The following CPQ variants were observed in gnomAD, a reference collection of about 807,000 sequenced individuals.
CPQ encodes the protein carboxypeptidase Q, also known as Ser-Met dipeptidase.
In CPQ, 37 loss-of-function variants were observed where a neutral mutation model predicts 45.7. That is an observed-to-expected ratio of 0.81 (90% CI 0.62 to 1.07). The LOEUF (loss-of-function observed/expected upper bound fraction) is 1.07. Among genes scored for constraint, CPQ ranks in the 50% least tolerant of loss-of-function variants. The pLI is 0.00. For missense variants in CPQ, 537 were observed against 572.9 expected, an observed-to-expected ratio of 0.94 and a Z score of 0.64; for synonymous variants, 186 against 205.8, an observed-to-expected ratio of 0.90 and a Z score of 0.82.
intron 4 of CPQ, among the ~76,000 whole-genome samples, chr8:96,944,730 A>G (rs1018387090): frequency 6.6e-5 from 10 of 152,190 alleles, no homozygotes; most frequent in Admixed American, 6.5e-4. Context: ...AAAAATGTCA[A>G]GCTGCTCATT....
At chr8:96,717,688 C>T (rs1431560644) in intron 1 of CPQ, among the ~76,000 whole-genome samples, 2 of 152,070 alleles carry the variant, frequency 1.3e-5, no homozygotes, top group South Asian at 2.1e-4. Flanking sequence ...CCCAAAAGTT[C>T]CATCATTTGT....
chr8:96,734,025 T>C (rs1246631252), intron 1 of CPQ, among the ~76,000 whole-genome samples: 1 of 152,238 alleles, frequency 6.6e-6, no homozygotes, highest in Admixed American at 6.5e-5. Flanking sequence ...GCCTGTCATA[T>C]GTGGTTTTAA....
chr8:96,730,059 G>T (rs1809890654), intron 1 of CPQ, among the ~76,000 whole-genome samples: 1 of 151,738 alleles, frequency 6.6e-6, no homozygotes, highest in African/African-American at 2.4e-5. Flanking sequence ...AATGAGGGAG[G>T]TAAACACAAA....
intron 7 of CPQ, among the ~76,000 whole-genome samples, chr8:97,111,512 G>T (rs933471110): frequency 2.5e-4 from 38 of 152,288 alleles, no homozygotes; most frequent in African/African-American, 8.9e-4. Context: ...GCAATGCAGG[G>T]CCTCTCTTTT....
At chr8:96,819,628 A>C (rs1811275630) in intron 2 of CPQ, among the ~76,000 whole-genome samples, 1 of 152,084 alleles carries the variant, frequency 6.6e-6, no homozygotes, top group African/African-American at 2.4e-5. Context: ...AGATTTGGCT[A>C]TGTTTCTCAA....
intron 7 of CPQ, among the ~76,000 whole-genome samples, chr8:97,100,341 C>G (rs1191664595): frequency 6.6e-6 from 1 of 152,140 alleles, no homozygotes; most frequent in Non-Finnish European, 1.5e-5. Flanking sequence ...TGGAGTTGAG[C>G]AGAGCCATAG....
At chr8:96,879,215 T>G (rs373665896) in intron 3 of CPQ, among the ~76,000 whole-genome samples, 72 of 152,326 alleles carry the variant, frequency 4.7e-4, no homozygotes, top group African/African-American at 1.7e-3. Context: ...GGCAGTAAAA[T>G]TAAAGGCCTG....
At chr8:97,002,953 T>G (rs1809310863) in intron 5 of CPQ, among the ~76,000 whole-genome samples, 1 of 152,210 alleles carries the variant, frequency 6.6e-6, no homozygotes, top group African/African-American at 2.4e-5. Flanking sequence ...CTGTGTTGGG[T>G]GCATATATAT....
intron 5 of CPQ, among the ~76,000 whole-genome samples, chr8:96,986,271 G>A (rs1012256982): frequency 5.9e-5 from 9 of 152,110 alleles, no homozygotes; most frequent in African/African-American, 2.2e-4. Context: ...TGCCACCCTT[G>A]ACAAATGACC....
intron 7 of CPQ, among the ~76,000 whole-genome samples, chr8:97,128,750 T>C (rs1238698307): frequency 1.3e-5 from 2 of 152,226 alleles, no homozygotes; most frequent in Non-Finnish European, 2.9e-5. Context: ...TAGTTGTAAG[T>C]TGAATGAATG....
chr8:97,130,426 T>G (rs937305018), intron 7 of CPQ, among the ~76,000 whole-genome samples: 33 of 149,932 alleles, frequency 2.2e-4, no homozygotes, highest in Admixed American at 4.0e-4. Flanking sequence ...AGCTGTTTTT[T>G]TTTTTTTTTT....
At chr8:96,666,431 C>T (rs1274098710) in intron 1 of CPQ, among the ~76,000 whole-genome samples, 1 of 152,140 alleles carries the variant, frequency 6.6e-6, no homozygotes, top group African/African-American at 2.4e-5. Context: ...ATACCAACGC[C>T]AGGAAAGATT....
rs181820956 is a variant in CPQ at position 96,993,906 on chromosome 8, T to C, written c.961+27860T>C. On this transcript the variant is annotated intron_variant, in intron 5 of 7. Coordinates refer to ENST00000220763, the MANE Select transcript of CPQ (RefSeq NM_016134.4). Reference sequence around the variant, plus strand: ...GAAAGAATTAATGTTTACCAAACACTATATTGTTCTCCCGTTCTCTCTTGC... The same window carrying C: ...GAAAGAATTAATGTTTACCAAACACCATATTGTTCTCCCGTTCTCTCTTGC... Among the ~76,000 whole-genome samples the C allele has an allele frequency of 1.5e-3, 229 of 152,220 alleles. 1 individual carries two copies. Among genetic ancestry groups the C allele is most frequent in the Non-Finnish European group, 2.7e-3 (182 of 67,992 alleles).
At chr8:96,882,054 A>C (rs1812230870) in intron 4 of CPQ, among the ~76,000 whole-genome samples, 1 of 152,212 alleles carries the variant, frequency 6.6e-6, no homozygotes, top group South Asian at 2.1e-4. Flanking sequence ...TGGAGAAACA[A>C]GTCTTATGCA....
intron 6 of CPQ, among the ~76,000 whole-genome samples, chr8:97,044,837 C>T (rs1348591640): frequency 6.6e-6 from 1 of 152,180 alleles, no homozygotes; most frequent in Non-Finnish European, 1.5e-5. Flanking sequence ...CTGATCCTTC[C>T]TCTGGAATTT....
intron 2 of CPQ, among the ~76,000 whole-genome samples, chr8:96,833,375 A>C (rs1422429981): frequency 6.6e-6 from 1 of 152,196 alleles, no homozygotes; most frequent in African/African-American, 2.4e-5. Context: ...GTGTGACTTT[A>C]ATTTCACAGT....
At chr8:97,000,535 A>C (rs1403154295) in intron 5 of CPQ, among the ~76,000 whole-genome samples, 1 of 152,128 alleles carries the variant, frequency 6.6e-6, no homozygotes, top group Non-Finnish European at 1.5e-5. Context: ...GCTTCGTTGA[A>C]GATCAGATGA....
intron 1 of CPQ, among the ~76,000 whole-genome samples, chr8:96,707,107 A>T (rs1387688645): frequency 6.6e-6 from 1 of 152,102 alleles, no homozygotes; most frequent in African/African-American, 2.4e-5. Flanking sequence ...AAGGAGGCTT[A>T]TAGCTGTAAA....
At chr8:96,787,747 A>T (rs1810790291) in intron 2 of CPQ, among the ~76,000 whole-genome samples, 1 of 151,510 alleles carries the variant, frequency 6.6e-6, no homozygotes, top group Non-Finnish European at 1.5e-5. Flanking sequence ...TTACTTGTCT[A>T]ATCAGATTTT....
Sources: allele counts gnomAD v4.1 joint callset (sites outside exome capture counted in the v4.1 genomes callset), GRCh38; gene constraint gnomAD v4.1.1; transcripts MANE v1.5; gene names NCBI Gene and HGNC (gene_info 2026-07-23, HGNC 2026-07-21).